Variants in DCC observed in about 807,000 individuals in gnomAD.
The protein encoded by DCC is netrin receptor DCC.
Under a neutral mutation model 172.5 loss-of-function variants are expected in DCC, and 58 were observed. That is an observed-to-expected ratio of 0.34 (90% CI 0.27 to 0.42). The LOEUF (loss-of-function observed/expected upper bound fraction) is 0.42, where lower values mean the gene tolerates loss of function less well. Ranked by LOEUF, DCC falls within the 10% of genes least tolerant of loss-of-function variation. The pLI, the probability that DCC is intolerant of heterozygous loss-of-function variation, is 1.00. For missense variants in DCC, 1,740 were observed against 1,791.0 expected (o/e 0.97, Z 0.51); for synonymous variants, 709 against 644.5 (o/e 1.10, Z -1.52).
At chr18:53,285,850 G>T (rs775260647) in intron 12 of DCC, among the ~76,000 whole-genome samples, 1 of 152,226 alleles carries the variant, frequency 6.6e-6, no homozygotes, top group African/African-American at 2.4e-5. Context: ...AGCATGACCT[G>T]TATGTGAGAC....
At chr18:53,024,136 G>A (rs1370444130) in intron 5 of DCC, among the ~76,000 whole-genome samples, 2 of 152,066 alleles carry the variant, frequency 1.3e-5, no homozygotes, top group Admixed American at 6.6e-5. Flanking sequence ...AGAGCAAAAT[G>A]TATCCTATTT....
At chr18:52,438,416 T>C (rs1987865914) in intron 1 of DCC, among the ~76,000 whole-genome samples, 1 of 152,202 alleles carries the variant, frequency 6.6e-6, no homozygotes, top group Non-Finnish European at 1.5e-5. Flanking sequence ...AGAGTTTCAG[T>C]TCTATTGACC....
chr18:53,485,734 T>A (rs1048713127), intron 25 of DCC, among the ~76,000 whole-genome samples: 1 of 152,076 alleles, frequency 6.6e-6, no homozygotes, highest in Admixed American at 6.5e-5. Context: ...TTAATCTGAA[T>A]TTTCAGTTAG....
At chr18:53,323,702 G>A (rs2057436436) in intron 14 of DCC, among the ~76,000 whole-genome samples, 1 of 152,126 alleles carries the variant, frequency 6.6e-6, no homozygotes, top group Admixed American at 6.6e-5. Flanking sequence ...TGGAAGGTTG[G>A]ATAGATGGAT....
At chr18:53,269,058 A>C (rs2056716604) in intron 12 of DCC, among the ~76,000 whole-genome samples, 1 of 152,202 alleles carries the variant, frequency 6.6e-6, no homozygotes, top group Non-Finnish European at 1.5e-5. Context: ...TCAAGTTTAG[A>C]GTTCACAACA....
intron 1 of DCC, among the ~76,000 whole-genome samples, chr18:52,489,871 T>C (rs1568194478): frequency 6.6e-6 from 1 of 152,142 alleles, no homozygotes; most frequent in African/African-American, 2.4e-5. Context: ...TCTGAGCCCA[T>C]TATCTTTAAT....
chr18:52,887,550 G>A (rs1219030313), intron 2 of DCC, among the ~76,000 whole-genome samples: 1 of 152,008 alleles, frequency 6.6e-6, no homozygotes, highest in East Asian at 1.9e-4. Flanking sequence ...ATAGAATCGA[G>A]GGTCACTTCC....
At chr18:53,301,440 A>C (rs200746488) in intron 12 of DCC, among the ~76,000 whole-genome samples, 22,038 of 152,070 alleles carry the variant, frequency 0.14, 2,239 homozygotes, top group African/African-American at 0.28. Flanking sequence ...ACCTCAAAAA[A>C]AAAAAACAAA....
intron 12 of DCC, among the ~76,000 whole-genome samples, chr18:53,284,525 G>C (rs959566595): frequency 6.6e-6 from 1 of 152,122 alleles, no homozygotes; most frequent in Non-Finnish European, 1.5e-5. Flanking sequence ...ATGACTGTGA[G>C]GTCTCCCAGC....
intron 13 of DCC, among the ~76,000 whole-genome samples, chr18:53,308,727 A>G (rs2057230840): frequency 6.6e-6 from 1 of 152,222 alleles, no homozygotes; most frequent in South Asian, 2.1e-4. Context: ...AGGTAAAATC[A>G]TTGAAAAAAC....
chr18:52,528,070 G>T (rs1009864484), intron 1 of DCC, among the ~76,000 whole-genome samples: 2 of 152,116 alleles, frequency 1.3e-5, no homozygotes, highest in African/African-American at 2.4e-5. Flanking sequence ...ATAGAATCTT[G>T]TTATGGACTT....
chr18:52,698,977 T>C (rs1402779078), intron 1 of DCC, among the ~76,000 whole-genome samples: 2 of 152,100 alleles, frequency 1.3e-5, no homozygotes, highest in African/African-American at 4.8e-5. Context: ...ATCTATAGCA[T>C]GGGACCAAGT....
intron 12 of DCC, among the ~76,000 whole-genome samples, chr18:53,271,847 A>G (rs2056753094): frequency 6.6e-6 from 1 of 152,168 alleles, no homozygotes; most frequent in Non-Finnish European, 1.5e-5. Flanking sequence ...TTGTCAGCCT[A>G]AGATAAGTTA....
chr18:53,262,287 A>G (rs2056615864), intron 12 of DCC, among the ~76,000 whole-genome samples: 1 of 152,190 alleles, frequency 6.6e-6, no homozygotes. Flanking sequence ...GTAGCCTAAA[A>G]TCAACTCTAT....
At chr18:52,471,688 A>G (rs1392768403) in intron 1 of DCC, among the ~76,000 whole-genome samples, 1 of 152,218 alleles carries the variant, frequency 6.6e-6, no homozygotes, top group Non-Finnish European at 1.5e-5. Context: ...TATATATCAG[A>G]GTAATGACGA....
intron 1 of DCC, among the ~76,000 whole-genome samples, chr18:52,420,169 TG>T (rs1190592397): frequency 6.6e-6 from 1 of 152,136 alleles, no homozygotes; most frequent in Non-Finnish European, 1.5e-5. Flanking sequence ...GGCACCAAGA[TG>T]GGGATGTTGC....
At chr18:53,435,070 T>G in intron 21 of DCC, 74 bp from the exon 22 acceptor site, 1 of 1,147,250 alleles carries the variant, frequency 8.7e-7, no homozygotes, top group Non-Finnish European at 1.3e-6. Flanking sequence ...TTGTGTGTGT[T>G]AAAATATTTA....
chr18:53,518,975 T>G (rs568591947), intron 27 of DCC, among the ~76,000 whole-genome samples: 9 of 152,118 alleles, frequency 5.9e-5, no homozygotes, highest in South Asian at 4.1e-4. Flanking sequence ...GACAGAACAT[T>G]TATTTTTTAC....
chr18:53,039,693 G>A (rs1217140563), intron 5 of DCC, among the ~76,000 whole-genome samples: 7 of 151,910 alleles, frequency 4.6e-5, no homozygotes, highest in Admixed American at 1.3e-4. Context: ...CTCTGGCATA[G>A]GTTATTGGTC....
Sources: allele counts gnomAD v4.1 joint callset (sites outside exome capture counted in the v4.1 genomes callset), GRCh38; gene constraint gnomAD v4.1.1; transcripts MANE v1.5; gene names NCBI Gene and HGNC (gene_info 2026-07-23, HGNC 2026-07-21).